Variants in SSUH2 observed in about 807,000 individuals in gnomAD.
The protein encoded by SSUH2 is ssu-2 homolog.
A neutral mutation model predicts 55.3 loss-of-function variants in SSUH2; 47 were observed. The ratio of observed to expected loss-of-function variants is 0.85; its 90% confidence interval spans 0.67 to 1.08. The LOEUF is 1.08. Among genes scored for constraint, SSUH2 ranks in the 50% least tolerant of loss-of-function variants. The pLI, the probability that SSUH2 is intolerant of heterozygous loss-of-function variation, is 0.00. For synonymous variants in SSUH2, 212 were observed against 191.5 expected, an observed-to-expected ratio of 1.11 and a Z score of -0.89; for missense variants, 535 against 490.7, an observed-to-expected ratio of 1.09 and a Z score of -0.85.
rs60486079 is a variant in SSUH2, at chr3:8,656,862, GGTTTGTTT to G, written c.-307+2055_-307+2062del. ...GATTTACCACTCTGCTTCATTTTTT[GGTTTGTTT>G]GTTTGTTTGTTTGTTTGTTTGTTTG... is the stretch of plus-strand genomic sequence containing the variant. On this transcript the variant is annotated intron_variant, in intron 7 of 18. Coordinates refer to the SSUH2 transcript ENST00000317371. 4.5e-3 allele frequency among the ~76,000 whole-genome samples: 681 copies of G among 150,052 alleles called. 3 individuals are homozygous for G. The highest frequency in any genetic ancestry group is 0.014 in the African/African-American group (567 of 40,764).
At chr3:8,645,632 A>G (rs1701582215), upstream of SSUH2, among the ~76,000 whole-genome samples, 2 of 152,118 alleles carry the variant, frequency 1.3e-5, no homozygotes, top group African/African-American at 2.4e-5. Context: ...GGCCAGGGTG[A>G]TGAAACTGCC....
chr3:8,629,076 G>C (rs1015773423), intron 7 of SSUH2, among the ~76,000 whole-genome samples: 1 of 152,096 alleles, frequency 6.6e-6, no homozygotes, highest in African/African-American at 2.4e-5. Context: ...AGCCCAGATG[G>C]TCTCGATCTC....
chr3:8,677,633 T>C (rs1038361422), intron 2 of SSUH2, among the ~76,000 whole-genome samples: 3 of 150,828 alleles, frequency 2.0e-5, no homozygotes, highest in African/African-American at 7.3e-5. Flanking sequence ...TAACCCAAAC[T>C]GTGGGGCCCT....
At chr3:8,650,502 T>C (rs1702270020) in intron 7 of SSUH2, among the ~76,000 whole-genome samples, 1 of 152,196 alleles carries the variant, frequency 6.6e-6, no homozygotes. Flanking sequence ...TTCTAAACAG[T>C]TTTCTCCAAA....
intron 1 of SSUH2, among the ~76,000 whole-genome samples, chr3:8,638,145 C>G (rs974874464): frequency 6.6e-6 from 1 of 152,116 alleles, no homozygotes; most frequent in South Asian, 2.1e-4. Context: ...GAAACCTGAG[C>G]CTTTCTGGGG....
chr3:8,673,348 G>A (rs780941774), intron 3 of SSUH2, among the ~76,000 whole-genome samples: 8 of 151,874 alleles, frequency 5.3e-5, no homozygotes, highest in East Asian at 1.9e-4. Context: ...GTCACATTGC[G>A]CCATTCCACC....
intron 3 of SSUH2, among the ~76,000 whole-genome samples, chr3:8,673,070 T>C (rs1704785057): frequency 6.6e-6 from 1 of 151,598 alleles, no homozygotes; most frequent in African/African-American, 2.4e-5. Context: ...TTAATATTAA[T>C]ATTAAGAAAT....
intron 1 of SSUH2, among the ~76,000 whole-genome samples, chr3:8,680,095 G>A (rs1705851234): frequency 6.6e-6 from 1 of 152,176 alleles, no homozygotes; most frequent in Non-Finnish European, 1.5e-5. Flanking sequence ...GCATCAGAGA[G>A]AGAAAAGATG....
Position 8,626,183 on chromosome 3 carries a change from C to G in SSUH2, c.767+46G>C, listed in dbSNP as rs1428216937. 2.7e-6 allele frequency: 4 copies of G among 1,500,494 alleles called. No individual in the cohort carries two copies. In the Admixed American group the frequency reaches 6.7e-5, roughly 25 times the overall value. 92.9% of individuals were successfully genotyped at this position (1,500,494 alleles called of 1,614,324 possible). Reference sequence around the variant, plus strand: ...GCAGAAGCCAGTCCAGGGCTAAGTCCCTCAGCCACCCCCGCATGCCACAGC... The same window carrying G: ...GCAGAAGCCAGTCCAGGGCTAAGTCGCTCAGCCACCCCCGCATGCCACAGC... On this transcript the variant is annotated intron_variant, in intron 9 of 11. Coordinates refer to ENST00000544814, the MANE Select transcript of SSUH2 (RefSeq NM_001256748.3).
chr3:8,623,052 A>G (rs9880109), intron 11 of SSUH2, among the ~76,000 whole-genome samples: 19,049 of 152,124 alleles, frequency 0.13, 1,470 homozygotes, highest in Non-Finnish European at 0.16. Context: ...AGAAGGGGCT[A>G]CTCAGGGCTG....
At chr3:8,642,455 A>C (rs887468129) in intron 1 of SSUH2, among the ~76,000 whole-genome samples, 2 of 152,234 alleles carry the variant, frequency 1.3e-5, no homozygotes, top group Non-Finnish European at 2.9e-5. Flanking sequence ...TGTAAGAAAG[A>C]ATTTTGGACA....
At chr3:8,649,943 A>G (rs1236406236) in intron 7 of SSUH2, among the ~76,000 whole-genome samples, 1 of 151,900 alleles carries the variant, frequency 6.6e-6, no homozygotes, top group Non-Finnish European at 1.5e-5. Flanking sequence ...CACCCTCCCT[A>G]CCAATATGGC....
At position 8,619,999 on chromosome 3, in the gene SSUH2, G is replaced by A. The variant is rs1696084851; in HGVS notation, c.997C>T (p.Leu333=). The A allele has an allele frequency of 6.2e-7, 1 of 1,614,082 alleles. No individual in the cohort carries two copies. Among genetic ancestry groups the A allele is most frequent in the South Asian group, 1.1e-5 (1 of 91,078 alleles). Residue 333 remains leucine, a synonymous_variant, in exon 12 of 12, where the codon CTG becomes TTG. Transcript: ENST00000544814. ...RVLQQRQTIE[L]IPLTEVHYWY... Reference sequence around the variant, plus strand: ...TAGTGAACTTCTGTGAGGGGGATCAGCTCAATGGTCTGGCGCTGAGGAAAC... The same window carrying A: ...TAGTGAACTTCTGTGAGGGGGATCAACTCAATGGTCTGGCGCTGAGGAAAC...
At chr3:8,663,431 T>C (rs1703691310) in intron 6 of SSUH2, among the ~76,000 whole-genome samples, 1 of 152,274 alleles carries the variant, frequency 6.6e-6, no homozygotes, top group Non-Finnish European at 1.5e-5. Flanking sequence ...TTCAGACCCC[T>C]GTCTCTCGTC....
chr3:8,657,732 G>A (rs79127573), intron 7 of SSUH2, among the ~76,000 whole-genome samples: 2,567 of 152,276 alleles, frequency 0.017, 37 homozygotes, highest in Middle Eastern at 0.024. Context: ...AAGGAGGGAG[G>A]GAGAAAGGAA....
chr3:8,667,162 T>C (rs1704067909), intron 5 of SSUH2, among the ~76,000 whole-genome samples: 1 of 152,232 alleles, frequency 6.6e-6, no homozygotes, highest in Non-Finnish European at 1.5e-5. Flanking sequence ...CTGGACTGAA[T>C]AGACTTATGG....
chr3:8,638,884 T>C (rs1575178030), intron 1 of SSUH2, among the ~76,000 whole-genome samples: 1 of 152,206 alleles, frequency 6.6e-6, no homozygotes, highest in East Asian at 1.9e-4. Context: ...AATACTCCTC[T>C]TGACGAGAAG....
chr3:8,677,638 G>T (rs1705513612), intron 2 of SSUH2, among the ~76,000 whole-genome samples: 1 of 150,846 alleles, frequency 6.6e-6, no homozygotes, highest in Non-Finnish European at 1.5e-5. Context: ...CAAACTGTGG[G>T]GCCCTGGCTG....
At chr3:8,628,529 G>C (rs1452220069) in intron 7 of SSUH2, among the ~76,000 whole-genome samples, 1 of 152,216 alleles carries the variant, frequency 6.6e-6, no homozygotes, top group African/African-American at 2.4e-5. Flanking sequence ...CTCATTTAGA[G>C]ATAGTCTTTG....
Sources: allele counts gnomAD v4.1 joint callset (sites outside exome capture counted in the v4.1 genomes callset), GRCh38; gene constraint gnomAD v4.1.1; transcripts MANE v1.5; gene names NCBI Gene and HGNC (gene_info 2026-07-23, HGNC 2026-07-21).